LOC400499: variants seen among roughly 807,000 people sequenced by gnomAD.
At chr16:11,449,198 C>G in the LOC400499 span, 3 of 1,170,516 alleles carry the variant, frequency 2.6e-6, no homozygotes, top group Non-Finnish European at 3.4e-6. Flanking sequence ...GCTTGGTGAA[C>G]TCCTCTTCAT....
chr16:11,389,407 T>G, the LOC400499 span, among the ~76,000 whole-genome samples: 2 of 152,056 alleles, frequency 1.3e-5, no homozygotes, highest in African/African-American at 4.8e-5. Context: ...ACAGGCCAGG[T>G]GCAGTGGCTC....
At chr16:11,458,342 T>C in the LOC400499 span, among the ~76,000 whole-genome samples, 13 of 150,838 alleles carry the variant, frequency 8.6e-5, no homozygotes, top group African/African-American at 2.9e-4. Flanking sequence ...TGAGACTCCA[T>C]CTCAAAAAAA....
chr16:11,408,288 T>C, the LOC400499 span, among the ~76,000 whole-genome samples: 1 of 152,270 alleles, frequency 6.6e-6, no homozygotes, highest in African/African-American at 2.4e-5. Context: ...AGCCAAGAGC[T>C]GGTATTTTTA....
At chr16:11,509,950 C>T in the LOC400499 span, among the ~76,000 whole-genome samples, 1 of 146,508 alleles carries the variant, frequency 6.8e-6, no homozygotes, top group Non-Finnish European at 1.5e-5. Flanking sequence ...TGGAGTGAGC[C>T]TCTGGAGAGG....
the LOC400499 span, among the ~76,000 whole-genome samples, chr16:11,520,422 C>T: frequency 2.0e-5 from 3 of 152,030 alleles, no homozygotes; most frequent in African/African-American, 7.2e-5. Context: ...TTTGGGAGGC[C>T]GAGGTGGGCA....
the LOC400499 span, among the ~76,000 whole-genome samples, chr16:11,397,797 GGGAT>G: frequency 6.3e-5 from 9 of 142,264 alleles, no homozygotes; most frequent in South Asian, 2.2e-4. Context: ...GAGGGAGGGA[GGGAT>G]GGACGGACGG....
At chr16:11,455,302 C>T in the LOC400499 span, among the ~76,000 whole-genome samples, 1 of 152,120 alleles carries the variant, frequency 6.6e-6, no homozygotes, top group Non-Finnish European at 1.5e-5. Flanking sequence ...TTCTTATCTT[C>T]TCTAGTAAGA....
the LOC400499 span, chr16:11,380,791 C>G: frequency 7.2e-5 from 11 of 152,126 alleles, no homozygotes; most frequent in Non-Finnish European, 1.3e-4. Context: ...CTCTGTTGTC[C>G]TCCCAGATGT....
chr16:11,519,831 G>C, the LOC400499 span, among the ~76,000 whole-genome samples: 1 of 151,584 alleles, frequency 6.6e-6, no homozygotes, highest in Admixed American at 6.6e-5. Flanking sequence ...TCAGCCTCCT[G>C]AGTAGCTGGG....
At chr16:11,440,694 C>T in the LOC400499 span, 6 of 398,998 alleles carry the variant, frequency 1.5e-5, no homozygotes, top group East Asian at 1.4e-4. Context: ...CGGCCTCCCT[C>T]GGCAAGGGAG....
At chr16:11,419,990 T>C in the LOC400499 span, among the ~76,000 whole-genome samples, 2 of 150,506 alleles carry the variant, frequency 1.3e-5, no homozygotes, top group Non-Finnish European at 1.5e-5. Flanking sequence ...TTTTACACTG[T>C]TGGTGGGACT....
chr16:11,448,988 G>T, the LOC400499 span: 1 of 1,521,410 alleles, frequency 6.6e-7, no homozygotes, highest in South Asian at 1.2e-5. Context: ...AGCAGTTCAG[G>T]ATCTTACGGT....
chr16:11,372,695 T>G, the LOC400499 span: 4 of 958,058 alleles, frequency 4.2e-6, no homozygotes, highest in Non-Finnish European at 5.0e-6. Context: ...GGTGAAGGAG[T>G]TTGAAGTCTG....
the LOC400499 span, chr16:11,488,983 G>C: frequency 5.1e-4 from 204 of 396,468 alleles, no homozygotes; most frequent in African/African-American, 3.7e-3. Context: ...CCCACGCACG[G>C]GGGCTTCTCA....
chr16:11,484,354 G>GGT, the LOC400499 span, among the ~76,000 whole-genome samples: 15 of 152,158 alleles, frequency 9.9e-5, no homozygotes, highest in East Asian at 2.9e-3. Context: ...GGGAGTGATG[G>GGT]GTATGTTCAT....
the LOC400499 span, among the ~76,000 whole-genome samples, chr16:11,437,750 T>C: frequency 6.6e-6 from 1 of 152,060 alleles, no homozygotes; most frequent in African/African-American, 2.4e-5. Flanking sequence ...ATGCCTGTAA[T>C]CCCAGCTACT....
At chr16:11,478,985 T>C in the LOC400499 span, among the ~76,000 whole-genome samples, 2 of 152,234 alleles carry the variant, frequency 1.3e-5, no homozygotes, top group African/African-American at 4.8e-5. Context: ...CCTTCCACCA[T>C]GATTTTGAAG....
the LOC400499 span, among the ~76,000 whole-genome samples, chr16:11,454,802 C>T: frequency 6.6e-6 from 1 of 152,254 alleles, no homozygotes. Context: ...TGTACTCCAT[C>T]AGAACAAAGG....
chr16:11,502,235 G>A, the LOC400499 span: 1 of 398,742 alleles, frequency 2.5e-6, no homozygotes, highest in Non-Finnish European at 4.4e-6. Context: ...GATCCCCGAA[G>A]GTCACCTCAC....
Sources: gnomAD v4.1 joint callset for allele counts (sites outside exome capture counted in the v4.1 genomes callset) on GRCh38, gnomAD v4.1.1 for gene constraint, MANE v1.5 for transcripts.